SYNDIG1: variants seen among roughly 807,000 people sequenced by gnomAD.
SYNDIG1 encodes the protein synapse differentiation-inducing gene protein 1.
Under a neutral mutation model 19.4 loss-of-function variants are expected in SYNDIG1, and 9 were observed. The observed-to-expected ratio is 0.46, with a 90% CI of 0.28 to 0.81. SYNDIG1 has a LOEUF of 0.81. Ranked by LOEUF, SYNDIG1 falls within the 30% of genes least tolerant of loss-of-function variation. The pLI is 0.12. For synonymous variants in SYNDIG1, 141 were observed against 145.9 expected, an observed-to-expected ratio of 0.97 and a Z score of 0.24; for missense variants, 311 against 343.3, an observed-to-expected ratio of 0.91 and a Z score of 0.74.
rs150828666 is a variant in SYNDIG1 at position 24,541,999 on chromosome 20, G to A, written c.-78-1021G>A. On this transcript the variant is annotated intron_variant, in intron 1 of 3. Transcript: ENST00000376862. ...CAGGTAGGAGTGGGTACCAGCAAAC[G>A]TGGAAGGAAATGAGCTAATGGGAAT... Among the ~76,000 whole-genome samples the A allele has an allele frequency of 8.9e-4, 135 of 152,286 alleles. 2 individuals are homozygous for A. In the East Asian group the frequency reaches 0.025, roughly 28 times the overall value.
chr20:24,508,514 T>C (rs2056663504), intron 1 of SYNDIG1, among the ~76,000 whole-genome samples: 1 of 152,074 alleles, frequency 6.6e-6, no homozygotes, highest in South Asian at 2.1e-4. Context: ...CACCATGCCC[T>C]GCCCAGGAGG....
intron 1 of SYNDIG1, among the ~76,000 whole-genome samples, chr20:24,524,791 A>G (rs934320440): frequency 7.2e-5 from 11 of 152,140 alleles, no homozygotes; most frequent in Admixed American, 5.2e-4. Flanking sequence ...CATCTAGCCT[A>G]GAAGCAGGCT....
chr20:24,508,218 A>AT (rs34436263), intron 1 of SYNDIG1, among the ~76,000 whole-genome samples: 43,905 of 72,358 alleles, frequency 0.61, 19,121 homozygotes, highest in Middle Eastern at 0.74. Context: ...AAGGAGGATA[A>AT]TTTTTTTTTT....
At chr20:24,480,730 T>A (rs1219771461) in intron 1 of SYNDIG1, among the ~76,000 whole-genome samples, 1 of 152,022 alleles carries the variant, frequency 6.6e-6, no homozygotes. Context: ...AAGCCAAGAG[T>A]CTATCAGCAG....
At chr20:24,552,080 G>A (rs1226056986) in intron 2 of SYNDIG1, among the ~76,000 whole-genome samples, 1 of 152,112 alleles carries the variant, frequency 6.6e-6, no homozygotes, top group Non-Finnish European at 1.5e-5. Flanking sequence ...TTTACTTTTA[G>A]GGAATTGTCT....
chr20:24,519,568 C>T lies in SYNDIG1; in HGVS notation c.-78-23452C>T, dbSNP rs149645747. 5.7e-3 allele frequency among the ~76,000 whole-genome samples: 864 copies of T among 152,268 alleles called. 11 individuals are homozygous for T. Among genetic ancestry groups the T allele is most frequent in the African/African-American group, 0.019 (791 of 41,546 alleles). ...TCTGTGAACTTGGGAAGGTTAGAAG[C>T]ATAGTATTCTTCAAGTTTCTTTTTT... On this transcript the variant is annotated intron_variant, in intron 1 of 3. Coordinates refer to ENST00000376862, the MANE Select transcript of SYNDIG1 (RefSeq NM_024893.3).
chr20:24,574,283 G>T (rs528895261), intron 2 of SYNDIG1, among the ~76,000 whole-genome samples: 3 of 150,760 alleles, frequency 2.0e-5, no homozygotes, highest in African/African-American at 7.3e-5. Flanking sequence ...TTTGAGACCA[G>T]CCTGGGCAAC....
At chr20:24,571,925 C>CA (rs995716115) in intron 2 of SYNDIG1, among the ~76,000 whole-genome samples, 11 of 152,210 alleles carry the variant, frequency 7.2e-5, no homozygotes, top group South Asian at 2.1e-4. Context: ...CCTTTCAACC[C>CA]AAAAAAATTA....
At chr20:24,505,859 G>A (rs1180583067) in intron 1 of SYNDIG1, among the ~76,000 whole-genome samples, 1 of 152,240 alleles carries the variant, frequency 6.6e-6, no homozygotes, top group Admixed American at 6.5e-5. Flanking sequence ...CATTAAAAGA[G>A]TTGAAGCATT....
At chr20:24,589,073 AGAG>A (rs1270364852) in intron 3 of SYNDIG1, among the ~76,000 whole-genome samples, 3 of 152,196 alleles carry the variant, frequency 2.0e-5, no homozygotes, top group African/African-American at 7.2e-5. Flanking sequence ...CAGTTCATAC[AGAG>A]GAGGATGTGG....
At chr20:24,494,229 C>T (rs1352257619) in intron 1 of SYNDIG1, among the ~76,000 whole-genome samples, 2 of 152,108 alleles carry the variant, frequency 1.3e-5, no homozygotes, top group African/African-American at 4.8e-5. Context: ...ATGTGTGGGA[C>T]TTGTGGTGTA....
intron 1 of SYNDIG1, among the ~76,000 whole-genome samples, chr20:24,513,454 T>C (rs2056793580): frequency 6.6e-6 from 1 of 152,150 alleles, no homozygotes; most frequent in Non-Finnish European, 1.5e-5. Context: ...CTGAAAACCA[T>C]GGCACGAGAA....
At chr20:24,619,750 G>A (rs554360853) in intron 3 of SYNDIG1, among the ~76,000 whole-genome samples, 3 of 152,288 alleles carry the variant, frequency 2.0e-5, no homozygotes, top group Non-Finnish European at 2.9e-5. Flanking sequence ...AGCCATTAAA[G>A]GAAAGTCATC....
At chr20:24,655,940 G>A (rs2059520646) in intron 3 of SYNDIG1, among the ~76,000 whole-genome samples, 1 of 152,208 alleles carries the variant, frequency 6.6e-6, no homozygotes. Flanking sequence ...GCACACACAG[G>A]GGTGAGTCTC....
At chr20:24,569,952 GA>G (rs759392507) in intron 2 of SYNDIG1, among the ~76,000 whole-genome samples, 12 of 152,198 alleles carry the variant, frequency 7.9e-5, no homozygotes, top group African/African-American at 1.2e-4. Flanking sequence ...GTATCTATTT[GA>G]AGTGCAGGTT....
intron 3 of SYNDIG1, among the ~76,000 whole-genome samples, chr20:24,612,117 A>G (rs926219347): frequency 6.6e-6 from 1 of 152,178 alleles, no homozygotes; most frequent in Non-Finnish European, 1.5e-5. Flanking sequence ...AAACAATTCA[A>G]CCTGCCACCA....
chr20:24,603,641 C>G (rs2147135516), intron 3 of SYNDIG1, among the ~76,000 whole-genome samples: 1 of 152,240 alleles, frequency 6.6e-6, no homozygotes, highest in East Asian at 1.9e-4. Context: ...CAGGGTCTGT[C>G]CACTAACAGG....
intron 2 of SYNDIG1, among the ~76,000 whole-genome samples, chr20:24,548,817 A>G (rs913412821): frequency 7.9e-5 from 12 of 152,170 alleles, no homozygotes; most frequent in Non-Finnish European, 1.6e-4. Flanking sequence ...AGCTTTCATG[A>G]TGAAAGGTGA....
chr20:24,518,782 C>T (rs562364659), intron 1 of SYNDIG1, among the ~76,000 whole-genome samples: 2 of 152,134 alleles, frequency 1.3e-5, no homozygotes, highest in African/African-American at 2.4e-5. Flanking sequence ...ATGTTTCACT[C>T]GTGAAACCAT....
Sources: gnomAD v4.1 joint callset for allele counts (sites outside exome capture counted in the v4.1 genomes callset) on GRCh38, gnomAD v4.1.1 for gene constraint, MANE v1.5 for transcripts, NCBI Gene and HGNC (gene_info 2026-07-23, HGNC 2026-07-21) for gene names.